The following PRDM5 variants were observed in gnomAD, a reference collection of about 807,000 sequenced individuals.
The protein encoded by PRDM5 is PR domain zinc finger protein 5.
In PRDM5, 56 loss-of-function variants were observed where a neutral mutation model predicts 81.2. That is an observed-to-expected ratio of 0.69 (90% CI 0.56 to 0.86). The LOEUF (loss-of-function observed/expected upper bound fraction) is 0.86. PRDM5 is among the 40% of genes least tolerant of loss of function. The probability of loss-of-function intolerance (pLI) is 0.00; values close to 1 mark genes in which losing one functional copy is unlikely to be tolerated. For synonymous variants in PRDM5, 267 were observed against 256.4 expected (o/e 1.04, Z -0.39); for missense variants, 697 against 770.1 (o/e 0.91, Z 1.12).
At chr4:120,802,037 G>A (rs566171152) in intron 8 of PRDM5, among the ~76,000 whole-genome samples, 173 of 152,080 alleles carry the variant, frequency 1.1e-3, no homozygotes, top group South Asian at 7.1e-3. Flanking sequence ...AATGGAAATC[G>A]TTAAATGAAA....
intron 3 of PRDM5, among the ~76,000 whole-genome samples, chr4:120,832,466 A>G (rs186182988): frequency 6.6e-6 from 1 of 152,262 alleles, no homozygotes; most frequent in East Asian, 1.9e-4. Context: ...CACAAATTAC[A>G]TATAAATTAT....
intron 2 of PRDM5, among the ~76,000 whole-genome samples, chr4:120,858,569 G>A (rs1016915768): frequency 3.3e-5 from 5 of 149,460 alleles, no homozygotes; most frequent in Admixed American, 1.3e-4. Flanking sequence ...GCTTATGAAC[G>A]CGTGCGTGCG....
At chr4:120,808,817 G>C (rs1578823938) in intron 8 of PRDM5, among the ~76,000 whole-genome samples, 1 of 152,228 alleles carries the variant, frequency 6.6e-6, no homozygotes, top group Non-Finnish European at 1.5e-5. Context: ...CAGGTGCTAA[G>C]TCCCTCACTG....
At chr4:120,844,440 T>C (rs1758418071) in intron 3 of PRDM5, among the ~76,000 whole-genome samples, 1 of 152,240 alleles carries the variant, frequency 6.6e-6, no homozygotes, top group African/African-American at 2.4e-5. Context: ...TTCATGCCTC[T>C]GCTACTTTTT....
intron 1 of PRDM5, among the ~76,000 whole-genome samples, chr4:120,915,924 C>T (rs375568286): frequency 4.2e-4 from 64 of 152,266 alleles, no homozygotes; most frequent in African/African-American, 1.5e-3. Flanking sequence ...TCAGCCCACC[C>T]AGCACCAAAA....
intron 14 of PRDM5, among the ~76,000 whole-genome samples, chr4:120,716,292 T>C (rs1737738404): frequency 6.6e-6 from 1 of 152,206 alleles, no homozygotes; most frequent in African/African-American, 2.4e-5. Context: ...TATTTATATA[T>C]GCATGTTGGC....
chr4:120,794,993 T>C (rs77378683), intron 10 of PRDM5, among the ~76,000 whole-genome samples: 30,259 of 152,080 alleles, frequency 0.2, 3,666 homozygotes, highest in Non-Finnish European at 0.28. Flanking sequence ...ACAGCAGTCA[T>C]GGCCCAGAAT....
chr4:120,917,752 T>C (rs1053631801), intron 1 of PRDM5, among the ~76,000 whole-genome samples: 2 of 151,934 alleles, frequency 1.3e-5, no homozygotes. Flanking sequence ...AAGTGTGAGA[T>C]GATGAAGTGA....
At chr4:120,753,256 C>T (rs1744262200) in intron 14 of PRDM5, among the ~76,000 whole-genome samples, 1 of 152,180 alleles carries the variant, frequency 6.6e-6, no homozygotes, top group Non-Finnish European at 1.5e-5. Context: ...ATTTAAACCT[C>T]TTTCATAATA....
chr4:120,723,480 C>T (rs1021910152), intron 14 of PRDM5, among the ~76,000 whole-genome samples: 1 of 151,998 alleles, frequency 6.6e-6, no homozygotes, highest in Non-Finnish European at 1.5e-5. Flanking sequence ...TTATTTTAAT[C>T]TTACAAAAGA....
At chr4:120,729,997 C>T (rs1429469858) in intron 14 of PRDM5, among the ~76,000 whole-genome samples, 1 of 152,158 alleles carries the variant, frequency 6.6e-6, no homozygotes, top group Non-Finnish European at 1.5e-5. Context: ...GAAATTGATA[C>T]CAGTTTTCTT....
At chr4:120,911,251 T>C (rs999670458) in intron 1 of PRDM5, among the ~76,000 whole-genome samples, 4 of 152,230 alleles carry the variant, frequency 2.6e-5, no homozygotes, top group Admixed American at 6.5e-5. Context: ...ACATGATTTT[T>C]AGAGAAGCTA....
At position 120,811,389 on chromosome 4, in the gene PRDM5, C is replaced by T. The variant is rs1221825739; in HGVS notation, c.926G>A (p.Ser309Asn). The part of the protein sequence containing the change: ...VCNKKCSSAS[S>N]LQEHRKIHEI... ...ACTGACCTTTCTATGTTCCTGTAGG[C>T]TTGATGCTGAAGAACACTTTTTATT... is the stretch of plus-strand genomic sequence containing the variant. Residue 309 changes from serine to asparagine, a missense_variant, in exon 8 of 16, where the codon AGC becomes AAC. Physicochemically the swap from Ser to Asn is conservative, Grantham distance 46. Coordinates refer to ENST00000264808, the MANE Select transcript of PRDM5 (RefSeq NM_018699.4). 1.3e-6 allele frequency: 2 copies of T among 1,599,800 alleles called. No homozygotes were observed. The highest frequency in any genetic ancestry group is 1.7e-6 in the Non-Finnish European group (2 of 1,169,604).
At chr4:120,766,077 A>G (rs1171634254) in intron 13 of PRDM5, among the ~76,000 whole-genome samples, 2 of 151,424 alleles carry the variant, frequency 1.3e-5, no homozygotes, top group Non-Finnish European at 2.9e-5. Flanking sequence ...CTCCTGCCTC[A>G]GCCTCATGAG....
At chr4:120,896,668 C>A (rs1764650592) in intron 2 of PRDM5, 1 of 146,286 alleles carries the variant, frequency 6.8e-6, no homozygotes, top group South Asian at 2.2e-4. Context: ...CACACACACA[C>A]ACACACACAC....
chr4:120,709,771 C>A (rs1736687493), intron 15 of PRDM5, among the ~76,000 whole-genome samples: 1 of 151,960 alleles, frequency 6.6e-6, no homozygotes, highest in African/African-American at 2.4e-5. Context: ...TATTTTTTTC[C>A]TTTCAGAAAT....
At chr4:120,922,270 C>G (rs1353976471) in intron 1 of PRDM5, among the ~76,000 whole-genome samples, 4 of 152,150 alleles carry the variant, frequency 2.6e-5, no homozygotes, top group African/African-American at 9.6e-5. Flanking sequence ...CGCCCCTGGA[C>G]CGGCCGGCAG....
chr4:120,753,770 CTG>C, intron 14 of PRDM5, among the ~76,000 whole-genome samples: 1 of 151,548 alleles, frequency 6.6e-6, no homozygotes. Flanking sequence ...TGAAAAGAAA[CTG>C]TGAAAGATAA....
intron 14 of PRDM5, among the ~76,000 whole-genome samples, chr4:120,748,166 T>G (rs1166953338): frequency 6.6e-6 from 1 of 152,202 alleles, no homozygotes; most frequent in Non-Finnish European, 1.5e-5. Context: ...CACAAAGAGT[T>G]CAGCAACTGG....
Sources: gnomAD v4.1 joint callset for allele counts (sites outside exome capture counted in the v4.1 genomes callset) on GRCh38, gnomAD v4.1.1 for gene constraint, MANE v1.5 for transcripts, NCBI Gene and HGNC (gene_info 2026-07-23, HGNC 2026-07-21) for gene names.